Variants in PLCB1 observed in about 807,000 individuals in gnomAD.
PLCB1 encodes 1-phosphatidylinositol 4,5-bisphosphate phosphodiesterase beta-1.
PLCB1 carries 46 observed loss-of-function variants against 161.8 expected under a neutral mutation model. That is an observed-to-expected ratio of 0.28 (90% confidence interval 0.22 to 0.36). The LOEUF (loss-of-function observed/expected upper bound fraction) is 0.36, where lower values mean the gene tolerates loss of function less well. Ranked by LOEUF, PLCB1 falls within the 10% of genes least tolerant of loss-of-function variation. The pLI is 1.00. For synonymous variants in PLCB1, 517 were observed against 503.7 expected (o/e 1.03, Z -0.35); for missense variants, 1,016 against 1,472.5 (o/e 0.69, Z 5.07).
intron 2 of PLCB1, among the ~76,000 whole-genome samples, chr20:8,234,920 G>T (rs1381073919): frequency 6.6e-6 from 1 of 152,034 alleles, no homozygotes; most frequent in Non-Finnish European, 1.5e-5. Context: ...ATTATGTTTA[G>T]AATGTGTATG....
chr20:8,263,497 T>A (rs1434625874), intron 2 of PLCB1, among the ~76,000 whole-genome samples: 1 of 152,154 alleles, frequency 6.6e-6, no homozygotes, highest in Non-Finnish European at 1.5e-5. Context: ...AATTGCTAAT[T>A]CTTTCCTTAT....
chr20:8,288,394 T>C (rs1338596659), intron 2 of PLCB1, among the ~76,000 whole-genome samples: 1 of 152,098 alleles, frequency 6.6e-6, no homozygotes, highest in Non-Finnish European at 1.5e-5. Context: ...GAGATGGAGA[T>C]TCTGATGCAA....
chr20:8,437,361 A>G (rs1980358526), intron 3 of PLCB1, among the ~76,000 whole-genome samples: 1 of 152,242 alleles, frequency 6.6e-6, no homozygotes, highest in Non-Finnish European at 1.5e-5. Context: ...AATATTACCT[A>G]ATAGTACAGG....
chr20:8,346,979 G>A (rs978681394), intron 2 of PLCB1, among the ~76,000 whole-genome samples: 5 of 152,182 alleles, frequency 3.3e-5, no homozygotes, highest in African/African-American at 1.2e-4. Context: ...GAGAAATTGG[G>A]ATTTTAAAGC....
At position 8,225,476 on chromosome 20, in the gene PLCB1, A is replaced by T. The variant is rs544729799; in HGVS notation, c.177+75105A>T. 4.6e-5 allele frequency among the ~76,000 whole-genome samples: 7 copies of T among 152,330 alleles called. No homozygotes were observed. In the South Asian group the frequency reaches 1.2e-3, roughly 27 times the overall value. On this transcript the variant is annotated intron_variant, in intron 2 of 31. Transcript: ENST00000338037. ...TCCAATTAAATATGTTGAGGCTTAT[A>T]GTATTTTAGAATATTAGAATTCGAG... is the stretch of plus-strand genomic sequence containing the variant.
At chr20:8,265,152 C>T (rs377718349) in intron 2 of PLCB1, among the ~76,000 whole-genome samples, 1 of 152,282 alleles carries the variant, frequency 6.6e-6, no homozygotes, top group African/African-American at 2.4e-5. Context: ...CCTACCTCTA[C>T]CAATTACACC....
At chr20:8,548,344 T>C (rs1349664156) in intron 3 of PLCB1, among the ~76,000 whole-genome samples, 1 of 150,386 alleles carries the variant, frequency 6.6e-6, no homozygotes, top group African/African-American at 2.4e-5. Context: ...TCTTTGTTTC[T>C]TTCTTTCTTT....
chr20:8,305,076 G>A (rs1984071760), intron 2 of PLCB1, among the ~76,000 whole-genome samples: 1 of 152,168 alleles, frequency 6.6e-6, no homozygotes, highest in African/African-American at 2.4e-5. Context: ...CATTGTTTTT[G>A]AGGATGTGTT....
At chr20:8,667,946 G>T (rs547951104) in intron 9 of PLCB1, among the ~76,000 whole-genome samples, 1 of 152,118 alleles carries the variant, frequency 6.6e-6, no homozygotes, top group Non-Finnish European at 1.5e-5. Context: ...TGTCAGCAGG[G>T]TCTAGGAGCA....
intron 31 of PLCB1, among the ~76,000 whole-genome samples, chr20:8,833,568 G>A (rs533939447): frequency 6.6e-6 from 1 of 152,288 alleles, no homozygotes; most frequent in Admixed American, 6.5e-5. Flanking sequence ...GAGGCAATGT[G>A]TCCACAGAGG....
At chr20:8,378,796 G>GT (rs1440770701) in intron 3 of PLCB1, among the ~76,000 whole-genome samples, 1 of 152,120 alleles carries the variant, frequency 6.6e-6, no homozygotes, top group Non-Finnish European at 1.5e-5. Flanking sequence ...CCCTGCTTCT[G>GT]TTTTAGCAAC....
At chr20:8,838,965 A>G (rs935184777) in intron 31 of PLCB1, among the ~76,000 whole-genome samples, 1 of 152,196 alleles carries the variant, frequency 6.6e-6, no homozygotes, top group Non-Finnish European at 1.5e-5. Context: ...AAGGCCAGCA[A>G]TACACCTACA....
intron 3 of PLCB1, among the ~76,000 whole-genome samples, chr20:8,552,039 T>G (rs1985793080): frequency 6.6e-6 from 1 of 152,170 alleles, no homozygotes; most frequent in African/African-American, 2.4e-5. Context: ...TATTGAGTGC[T>G]TTTATGCTTG....
At position 8,242,047 on chromosome 20, in the gene PLCB1, T is replaced by A. The variant is rs576198635; in HGVS notation, c.177+91676T>A. 1.3e-4 allele frequency among the ~76,000 whole-genome samples: 20 copies of A among 151,936 alleles called. No individual in the cohort carries two copies. The South Asian group carries it at 4.0e-3, about 30-fold the overall frequency. On this transcript the variant is annotated intron_variant, in intron 2 of 31. Coordinates refer to ENST00000338037, the MANE Select transcript of PLCB1 (RefSeq NM_015192.4). ...GGCATTGGCAAGAAACTCATTGGGGTCTCATGATAAACAGCCAGATATTAG... is the reference window on the plus strand; with the variant it reads ...GGCATTGGCAAGAAACTCATTGGGGACTCATGATAAACAGCCAGATATTAG...
rs11474419 is a variant in PLCB1, at chr20:8,744,616, TAAATAAAATAAAATA to T, written c.2523+3072_2523+3086del. On this transcript the variant is annotated intron_variant, in intron 23 of 31. Transcript: ENST00000338037. Reference sequence around the variant, plus strand: ...GAGACCATGTCTCTTAAAAATAAAATAAATAAAATAAAATAAAATAAAATAAAATAAAATAAAATA... The same window carrying T: ...GAGACCATGTCTCTTAAAAATAAAATAAATAAAATAAAATAAAATAAAATA... Among the ~76,000 whole-genome samples the T allele has an allele frequency of 9.9e-5, 12 of 121,222 alleles. 1 individual carries two copies. The highest frequency in any genetic ancestry group is 3.8e-4 in the African/African-American group (12 of 31,434). 79.5% of individuals were successfully genotyped at this position (121,222 alleles called of 152,430 possible).
chr20:8,416,649 ATG>A (rs1409310151), intron 3 of PLCB1, among the ~76,000 whole-genome samples: 2 of 152,080 alleles, frequency 1.3e-5, no homozygotes, highest in Non-Finnish European at 2.9e-5. Context: ...AGGAGGAGGT[ATG>A]TGTGAGACAG....
At chr20:8,532,413 A>T (rs993149399) in intron 3 of PLCB1, among the ~76,000 whole-genome samples, 2 of 152,130 alleles carry the variant, frequency 1.3e-5, no homozygotes, top group Non-Finnish European at 2.9e-5. Context: ...CCTGGCCTGC[A>T]TTTCACACCA....
chr20:8,405,692 A>C (rs1978755847), intron 3 of PLCB1, among the ~76,000 whole-genome samples: 1 of 152,218 alleles, frequency 6.6e-6, no homozygotes, highest in Non-Finnish European at 1.5e-5. Context: ...AGACTTCAGC[A>C]TATTGAATTT....
At chr20:8,367,852 A>G (rs541676706) in intron 2 of PLCB1, among the ~76,000 whole-genome samples, 1 of 152,290 alleles carries the variant, frequency 6.6e-6, no homozygotes, top group South Asian at 2.1e-4. Context: ...AGTGGCAGAG[A>G]GAAAGGGATG....
Sources: gnomAD v4.1 joint callset for allele counts (sites outside exome capture counted in the v4.1 genomes callset) on GRCh38, gnomAD v4.1.1 for gene constraint, MANE v1.5 for transcripts, NCBI Gene and HGNC (gene_info 2026-07-23, HGNC 2026-07-21) for gene names.